The following ARHGAP15 variants were observed in gnomAD, a reference collection of about 807,000 sequenced individuals.
ARHGAP15 encodes Rho GTPase activating protein 15.
Under a neutral mutation model 63.7 loss-of-function variants are expected in ARHGAP15, and 51 were observed. That is an observed-to-expected ratio of 0.80 (90% CI 0.64 to 1.01). The LOEUF is 1.01. Ranked by LOEUF, ARHGAP15 falls within the 50% of genes least tolerant of loss-of-function variation. The pLI is 0.00. For synonymous variants in ARHGAP15, 191 were observed against 193.8 expected (o/e 0.99, Z 0.12); for missense variants, 560 against 564.6 (o/e 0.99, Z 0.08).
intron 11 of ARHGAP15, among the ~76,000 whole-genome samples, chr2:143,620,661 A>G (rs1182632712): frequency 6.6e-6 from 1 of 152,192 alleles, no homozygotes; most frequent in Non-Finnish European, 1.5e-5. Context: ...ATCACTTGGC[A>G]GCCATGGGAA....
intron 6 of ARHGAP15, among the ~76,000 whole-genome samples, chr2:143,368,810 A>G (rs1366324707): frequency 1.3e-5 from 2 of 152,078 alleles, no homozygotes; most frequent in Non-Finnish European, 2.9e-5. Context: ...CAATTAGAAA[A>G]ATAGAGCTGT....
At chr2:143,591,614 C>CTTTTT (rs67060048) in intron 11 of ARHGAP15, among the ~76,000 whole-genome samples, 8 of 124,064 alleles carry the variant, frequency 6.4e-5, no homozygotes, top group Non-Finnish European at 1.3e-4. Flanking sequence ...TTTGTTTGTT[C>CTTTTT]TTTTTTTTTT....
chr2:143,667,717 G>A (rs1200384345), intron 12 of ARHGAP15, among the ~76,000 whole-genome samples: 3 of 151,966 alleles, frequency 2.0e-5, no homozygotes, highest in African/African-American at 7.3e-5. Context: ...CTGATGGCAG[G>A]GCACGGTGGC....
chr2:143,461,896 C>CTG (rs1690959818), intron 8 of ARHGAP15, among the ~76,000 whole-genome samples: 1 of 152,130 alleles, frequency 6.6e-6, no homozygotes, highest in Admixed American at 6.5e-5. Context: ...CGGCCTGCTG[C>CTG]TGTGGCTCAT....
At position 143,624,115 on chromosome 2, in the gene ARHGAP15, C is replaced by T. The variant is rs1698746207; in HGVS notation, c.1004-18C>T. The stretch of plus-strand genomic sequence containing the variant: ...TTCATTAAAACCAGTTGTTCCATTT[C>T]TCCTCGTGTTTTCCCAGAAGAGAAG... On this transcript the variant is annotated intron_variant, in intron 11 of 13. Transcript: ENST00000295095. The T allele has an allele frequency of 6.2e-7, 1 of 1,611,492 alleles. No individual in the cohort carries two copies.
intron 6 of ARHGAP15, among the ~76,000 whole-genome samples, chr2:143,371,403 A>T (rs548700924): frequency 2.0e-5 from 3 of 152,182 alleles, no homozygotes; most frequent in Non-Finnish European, 2.9e-5. Flanking sequence ...GAGTTTCTAC[A>T]TGAGACTCCA....
At chr2:143,252,499 C>G (rs1024989718) in intron 6 of ARHGAP15, among the ~76,000 whole-genome samples, 3 of 151,914 alleles carry the variant, frequency 2.0e-5, no homozygotes, top group Non-Finnish European at 4.4e-5. Flanking sequence ...TGTAATTGAA[C>G]AGTTCATGGG....
chr2:143,519,225 A>G, intron 9 of ARHGAP15, 41 bp from the exon 10 acceptor site: 3 of 1,435,982 alleles, frequency 2.1e-6, no homozygotes, highest in South Asian at 2.3e-5. Context: ...GAACAACGCA[A>G]GCTTGGATTT....
intron 12 of ARHGAP15, among the ~76,000 whole-genome samples, chr2:143,695,918 G>A (rs544346359): frequency 6.6e-6 from 1 of 150,864 alleles, no homozygotes; most frequent in Non-Finnish European, 1.5e-5. Flanking sequence ...TTCCAAACTC[G>A]CCCCAATGTG....
intron 2 of ARHGAP15, among the ~76,000 whole-genome samples, chr2:143,185,010 C>T (rs1177981711): frequency 1.3e-5 from 2 of 152,146 alleles, no homozygotes; most frequent in East Asian, 3.9e-4. Flanking sequence ...AGAAATTACT[C>T]AAGAAATACT....
intron 6 of ARHGAP15, among the ~76,000 whole-genome samples, chr2:143,383,945 G>A (rs1365130591): frequency 3.3e-5 from 5 of 152,072 alleles, no homozygotes; most frequent in African/African-American, 9.7e-5. Flanking sequence ...AACAGGTATT[G>A]GAGAGAAAAC....
chr2:143,301,991 A>T (rs986945132), intron 6 of ARHGAP15, among the ~76,000 whole-genome samples: 3 of 152,052 alleles, frequency 2.0e-5, no homozygotes, highest in East Asian at 3.9e-4. Context: ...GTAATTTTAT[A>T]AAAAAAGTTA....
intron 6 of ARHGAP15, among the ~76,000 whole-genome samples, chr2:143,321,831 G>C (rs1684037778): frequency 6.6e-6 from 1 of 152,100 alleles, no homozygotes; most frequent in Non-Finnish European, 1.5e-5. Flanking sequence ...AAGTAGCTGG[G>C]ACCACCGGGT....
At chr2:143,602,398 G>A (rs994590750) in intron 11 of ARHGAP15, among the ~76,000 whole-genome samples, 4 of 152,108 alleles carry the variant, frequency 2.6e-5, no homozygotes, top group African/African-American at 7.2e-5. Context: ...CCTGGGAATC[G>A]AAATACAGTT....
intron 12 of ARHGAP15, among the ~76,000 whole-genome samples, chr2:143,639,233 A>G (rs1302084133): frequency 6.6e-6 from 1 of 152,170 alleles, no homozygotes; most frequent in Non-Finnish European, 1.5e-5. Context: ...ACCAAACAGG[A>G]CACAAATGAA....
chr2:143,142,122 T>A (rs998941671), intron 1 of ARHGAP15, among the ~76,000 whole-genome samples: 1 of 152,130 alleles, frequency 6.6e-6, no homozygotes, highest in Non-Finnish European at 1.5e-5. Flanking sequence ...ATTTTTCAAT[T>A]GGAAATTGAT....
chr2:143,659,598 A>G (rs1681641341), intron 12 of ARHGAP15, among the ~76,000 whole-genome samples: 1 of 152,122 alleles, frequency 6.6e-6, no homozygotes, highest in African/African-American at 2.4e-5. Context: ...GTCACGGGTG[A>G]GAAAGGAGGA....
chr2:143,145,544 C>A (rs923915033), intron 1 of ARHGAP15, among the ~76,000 whole-genome samples: 5 of 152,026 alleles, frequency 3.3e-5, no homozygotes, highest in African/African-American at 1.2e-4. Context: ...TGATAACAAT[C>A]TGCAAATCTG....
At position 143,271,741 on chromosome 2, in the gene ARHGAP15, G is replaced by A. The variant is rs367591589; in HGVS notation, c.474+21141G>A. 9.8e-5 allele frequency among the ~76,000 whole-genome samples: 15 copies of A among 152,334 alleles called. 1 individual carries two copies. The highest frequency in any genetic ancestry group is 8.3e-4 in the South Asian group (4 of 4,832). On this transcript the variant is annotated intron_variant, in intron 6 of 13. Coordinates refer to ENST00000295095, the MANE Select transcript of ARHGAP15 (RefSeq NM_018460.4). ...TCCGCCCGCCTTGGCCTCCCAAAGC[G>A]CTGGGATTACAGGCATGAGCCACCG... is the stretch of plus-strand genomic sequence containing the variant.
Sources: gnomAD v4.1 joint callset for allele counts (sites outside exome capture counted in the v4.1 genomes callset) on GRCh38, gnomAD v4.1.1 for gene constraint, MANE v1.5 for transcripts, NCBI Gene and HGNC (gene_info 2026-07-23, HGNC 2026-07-21) for gene names.